The following MCPH1 variants were observed in gnomAD, a reference collection of about 807,000 sequenced individuals.
The protein encoded by MCPH1 is microcephalin 1, also known as microcephalin.
In MCPH1, 104 loss-of-function variants were observed where a neutral mutation model predicts 84.5. That is an observed-to-expected ratio of 1.23 (90% CI 1.05 to 1.45). The LOEUF (loss-of-function observed/expected upper bound fraction) is 1.45, where lower values mean the gene tolerates loss of function less well. Ranked by LOEUF, MCPH1 falls within the 40% of genes most tolerant of loss-of-function variation. The pLI, the probability that MCPH1 is intolerant of heterozygous loss-of-function variation, is 0.00. For synonymous variants in MCPH1, 514 were observed against 366.8 expected, an observed-to-expected ratio of 1.40 and a Z score of -4.58; for missense variants, 1,498 against 1,005.7, an observed-to-expected ratio of 1.49 and a Z score of -6.62.
intron 12 of MCPH1, among the ~76,000 whole-genome samples, chr8:6,589,082 T>A (rs988358787): frequency 6.6e-6 from 1 of 152,346 alleles, no homozygotes. Context: ...TTAAAACACC[T>A]GGATGATGAA....
At position 6,473,404 on chromosome 8, in the gene MCPH1, C is replaced by T. The variant is rs184087631; in HGVS notation, c.1936-4190C>T. On this transcript the variant is annotated intron_variant, in intron 9 of 13. Transcript: ENST00000344683. ...GGAGTGCAGTGGCACGATCTTGGCTCACTGCAAGCTCCGTCTCCCCAGGTT... is the reference window on the plus strand; with the variant it reads ...GGAGTGCAGTGGCACGATCTTGGCTTACTGCAAGCTCCGTCTCCCCAGGTT... 5.4e-5 allele frequency among the ~76,000 whole-genome samples: 7 copies of T among 129,038 alleles called. No individual in the cohort carries two copies. In the East Asian group the frequency reaches 1.2e-3, roughly 23 times the overall value. 84.7% of individuals were successfully genotyped at this position (129,038 alleles called of 152,430 possible). A position where few individuals can be genotyped will look rare whatever the true frequency, so the allele number is the denominator to read the frequency against.
intron 9 of MCPH1, chr8:6,474,274 C>G: frequency 1.8e-6 from 1 of 543,038 alleles, no homozygotes; most frequent in Non-Finnish European, 3.4e-6. Context: ...TAATGTATTT[C>G]AATCCTGATT....
intron 7 of MCPH1, 86 bp downstream of exon 7, chr8:6,442,242 C>T (rs1743532307): frequency 2.5e-6 from 2 of 807,168 alleles, no homozygotes; most frequent in Admixed American, 2.0e-5. Flanking sequence ...GTAGCAACTT[C>T]TGATGAGTAA....
chr8:6,451,499 G>T (rs958467491), intron 8 of MCPH1, among the ~76,000 whole-genome samples: 9 of 152,168 alleles, frequency 5.9e-5, no homozygotes, highest in Non-Finnish European at 1.3e-4. Flanking sequence ...AATTAAAATT[G>T]ATATTGGAAT....
intron 12 of MCPH1, among the ~76,000 whole-genome samples, chr8:6,521,674 C>T (rs1197334829): frequency 6.6e-6 from 1 of 152,084 alleles, no homozygotes; most frequent in Non-Finnish European, 1.5e-5. Flanking sequence ...CCCATCTGGT[C>T]CAGGATAGGT....
intron 12 of MCPH1, chr8:6,615,526 G>C (rs1183265747): frequency 6.6e-6 from 1 of 152,300 alleles, no homozygotes; most frequent in Non-Finnish European, 1.5e-5. Flanking sequence ...GGCAGGTGCT[G>C]GGAGGAGGAT....
chr8:6,560,077 C>G (rs1458218757), intron 12 of MCPH1, among the ~76,000 whole-genome samples: 1 of 152,188 alleles, frequency 6.6e-6, no homozygotes, highest in Non-Finnish European at 1.5e-5. Flanking sequence ...TATTTATTTG[C>G]CCTAAAATGA....
At chr8:6,470,033 G>GT (rs1356695720) in intron 9 of MCPH1, among the ~76,000 whole-genome samples, 1 of 152,078 alleles carries the variant, frequency 6.6e-6, no homozygotes, top group South Asian at 2.1e-4. Context: ...AATCCTGCAT[G>GT]TTTTTTTCTC....
rs146305115 is a variant in MCPH1, at chr8:6,438,123, A to G, written c.437-830A>G. 2.3e-3 allele frequency among the ~76,000 whole-genome samples: 344 copies of G among 152,294 alleles called. 4 individuals carry two copies. The highest frequency in any genetic ancestry group is 8.0e-3 in the African/African-American group (333 of 41,562). ...ATTGCACACTCTCCTATAATTCTTT[A>G]TACTTTTGTCACTTTGGCCTTCTTT... On this transcript the variant is annotated intron_variant, in intron 5 of 13. Transcript: ENST00000344683.
chr8:6,408,955 G>T (rs368190382), intron 1 of MCPH1, among the ~76,000 whole-genome samples: 1 of 151,300 alleles, frequency 6.6e-6, no homozygotes, highest in Non-Finnish European at 1.5e-5. Context: ...GCGCAATCTC[G>T]GCTCACTGCA....
chr8:6,486,313 G>C (rs1178481136), intron 11 of MCPH1, among the ~76,000 whole-genome samples: 1 of 143,548 alleles, frequency 7.0e-6, no homozygotes, highest in Non-Finnish European at 1.5e-5. Context: ...TCGCTCTCTC[G>C]CTCTCTCGTC....
chr8:6,585,301 C>T (rs1321142099), intron 12 of MCPH1, among the ~76,000 whole-genome samples: 1 of 152,188 alleles, frequency 6.6e-6, no homozygotes, highest in African/African-American at 2.4e-5. Context: ...CCGTGCCCAC[C>T]ACAGCAGTTG....
chr8:6,427,631 C>G (rs1208404140), intron 3 of MCPH1, among the ~76,000 whole-genome samples: 1 of 152,092 alleles, frequency 6.6e-6, no homozygotes, highest in African/African-American at 2.4e-5. Context: ...CCTCCTACCT[C>G]CGCCTCCCAA....
chr8:6,460,668 C>T (rs1806181570), intron 9 of MCPH1, among the ~76,000 whole-genome samples: 1 of 152,084 alleles, frequency 6.6e-6, no homozygotes, highest in African/African-American at 2.4e-5. Context: ...TTCAATCATA[C>T]GTTCCATATC....
At chr8:6,412,767 G>A (rs1244216753) in intron 2 of MCPH1, among the ~76,000 whole-genome samples, 5 of 152,126 alleles carry the variant, frequency 3.3e-5, no homozygotes, top group Admixed American at 1.3e-4. Context: ...ATCTCAGCCC[G>A]GTAATTCTTA....
chr8:6,472,666 C>T (rs552071896), intron 9 of MCPH1, among the ~76,000 whole-genome samples: 2 of 152,180 alleles, frequency 1.3e-5, no homozygotes, highest in East Asian at 3.9e-4. Flanking sequence ...TGGGGTTTCG[C>T]CATGGTGTCC....
At position 6,418,686 on chromosome 8, in the gene MCPH1, A is replaced by C. The variant is rs1193161027; in HGVS notation, c.233+3803A>C. Among the ~76,000 whole-genome samples, 4 of 152,148 alleles carry C rather than the reference A, an allele frequency of 2.6e-5. No homozygotes were observed. The East Asian group carries it at 7.7e-4, about 29-fold the overall frequency. On this transcript the variant is annotated intron_variant, in intron 3 of 13. Transcript: ENST00000344683. ...CAACCTCCTACTCCCTGGTTCAGCG[A>C]TTCTCCTGCCTCAGCCTCCCGAGTA...
chr8:6,504,178 C>T (rs960947802), intron 12 of MCPH1, among the ~76,000 whole-genome samples: 10 of 151,654 alleles, frequency 6.6e-5, no homozygotes, highest in African/African-American at 2.2e-4. Flanking sequence ...ATTAGCCGGG[C>T]GTGGTGGCGG....
Position 6,645,997 on chromosome 8 carries a change from T to A in MCPH1, c.*2948T>A, listed in dbSNP as rs922230932. ...CATTAAAATCTCAGATGGCTTTTTA[T>A]AGAATTTGAAAAGCTGATGCTAAAT... On this transcript the variant is annotated 3_prime_UTR_variant, in exon 14 of 14. Coordinates refer to ENST00000344683, the MANE Select transcript of MCPH1 (RefSeq NM_024596.5). The A allele has an allele frequency of 6.6e-6, 1 of 152,250 alleles. No individual in the cohort carries two copies. The highest frequency in any genetic ancestry group is 1.5e-5 in the Non-Finnish European group (1 of 68,038). The allele number at this position is 152,250 out of a possible 1,614,324, so 9.4% of individuals were successfully genotyped here. A position where few individuals can be genotyped will look rare whatever the true frequency, so the allele number is the denominator to read the frequency against.
Sources: allele counts gnomAD v4.1 joint callset (sites outside exome capture counted in the v4.1 genomes callset), GRCh38; gene constraint gnomAD v4.1.1; transcripts MANE v1.5; gene names NCBI Gene and HGNC (gene_info 2026-07-23, HGNC 2026-07-21).